Variants in CDH4 observed in about 807,000 individuals in gnomAD.
CDH4 encodes the protein cadherin 4, also known as cadherin-4.
In CDH4, 33 loss-of-function variants were observed where a neutral mutation model predicts 86.0. The observed-to-expected ratio is 0.38, with a 90% CI of 0.29 to 0.51. CDH4 has a LOEUF of 0.51. Ranked by LOEUF, CDH4 falls within the 20% of genes least tolerant of loss-of-function variation. The probability of loss-of-function intolerance (pLI) is 0.86; values close to 1 mark genes in which losing one functional copy is unlikely to be tolerated. For synonymous variants in CDH4, 555 were observed against 549.4 expected (o/e 1.01, Z -0.14); for missense variants, 1,114 against 1,307.4 (o/e 0.85, Z 2.28).
intron 2 of CDH4, among the ~76,000 whole-genome samples, chr20:61,535,760 C>T (rs922718531): frequency 2.6e-5 from 4 of 151,984 alleles, no homozygotes; most frequent in South Asian, 4.2e-4. Flanking sequence ...GTCCTTTGGG[C>T]GTTTGAATCC....
At chr20:61,910,083 T>C (rs902557445) in intron 8 of CDH4, among the ~76,000 whole-genome samples, 4 of 152,264 alleles carry the variant, frequency 2.6e-5, no homozygotes, top group African/African-American at 9.6e-5. Flanking sequence ...CTCTGATTCC[T>C]GATCTGGGCG....
At chr20:61,605,258 C>T (rs2086633768) in intron 2 of CDH4, among the ~76,000 whole-genome samples, 1 of 152,078 alleles carries the variant, frequency 6.6e-6, no homozygotes, top group African/African-American at 2.4e-5. Context: ...TGACGAAGGC[C>T]CCTCTGTGAA....
chr20:61,488,019 C>T (rs1270258344), intron 2 of CDH4, among the ~76,000 whole-genome samples: 1 of 152,168 alleles, frequency 6.6e-6, no homozygotes, highest in Non-Finnish European at 1.5e-5. Context: ...GCAGTTCAAT[C>T]GATGATTCTG....
intron 2 of CDH4, among the ~76,000 whole-genome samples, chr20:61,382,642 C>A (rs946570342): frequency 6.6e-6 from 1 of 152,202 alleles, no homozygotes; most frequent in Non-Finnish European, 1.5e-5. Flanking sequence ...GGGCCATGTT[C>A]CCCCTGAAGC....
chr20:61,523,803 G>C (rs1256825591), intron 2 of CDH4, among the ~76,000 whole-genome samples: 1 of 152,168 alleles, frequency 6.6e-6, no homozygotes, highest in East Asian at 1.9e-4. Flanking sequence ...TTTCACTGCC[G>C]GGGAGACCCC....
intron 2 of CDH4, among the ~76,000 whole-genome samples, chr20:61,561,777 C>T (rs1180143304): frequency 6.6e-6 from 1 of 152,236 alleles, no homozygotes; most frequent in Non-Finnish European, 1.5e-5. Flanking sequence ...TTACAGAAAA[C>T]ATTTCTGACC....
At chr20:61,330,056 A>G (rs1234414228) in intron 2 of CDH4, among the ~76,000 whole-genome samples, 2 of 152,112 alleles carry the variant, frequency 1.3e-5, no homozygotes, top group Admixed American at 6.5e-5. Context: ...CATGGTGTAT[A>G]TGTACCACAT....
intron 2 of CDH4, among the ~76,000 whole-genome samples, chr20:61,291,907 G>T (rs950181643): frequency 2.6e-5 from 4 of 151,958 alleles, no homozygotes; most frequent in African/African-American, 9.7e-5. Context: ...CACCCTCCCT[G>T]CTCAAGTAGC....
chr20:61,421,733 C>A (rs2085178765), intron 2 of CDH4, among the ~76,000 whole-genome samples: 2 of 152,206 alleles, frequency 1.3e-5, no homozygotes, highest in Admixed American at 1.3e-4. Flanking sequence ...GGTTCTGGTG[C>A]CGGGATGTGA....
At chr20:61,692,938 G>A (rs1182565199) in intron 2 of CDH4, among the ~76,000 whole-genome samples, 1 of 151,896 alleles carries the variant, frequency 6.6e-6, no homozygotes, top group Non-Finnish European at 1.5e-5. Flanking sequence ...GAAGCTAGTT[G>A]TGTGAGGAGG....
At chr20:61,894,883 C>A (rs1814864443) in intron 7 of CDH4, 27 bp from the exon 8 acceptor site, 4 of 1,594,624 alleles carry the variant, frequency 2.5e-6, no homozygotes, top group African/African-American at 1.3e-5. Context: ...ATTTTCTGTT[C>A]TTTCTCAACT....
Position 61,844,727 on chromosome 20 carries a change from C to G in CDH4, c.636C>G (p.Ala212=). The G allele has an allele frequency of 6.2e-7, 1 of 1,614,004 alleles. No homozygotes were observed. Among genetic ancestry groups the G allele is most frequent in the Non-Finnish European group, 8.5e-7 (1 of 1,179,922 alleles). ...PIRYSITGVG[A]DQPPMEVFSI... is the part of the protein sequence containing the mutation. ...GGTACAGCATCACGGGAGTGGGCGC[C>G]GACCAGCCCCCCATGGAGGTCTTCA... Residue 212 remains alanine (A), a synonymous_variant, in exon 5 of 16, where the codon GCC becomes GCG. Coordinates refer to ENST00000614565, the MANE Select transcript of CDH4 (RefSeq NM_001794.5).
rs1568700986 is a variant in CDH4 at position 61,590,881 on chromosome 20, G to GGC, written c.170-152681_170-152680insCG. Among the ~76,000 whole-genome samples the GGC allele has an allele frequency of 8.5e-5, 13 of 152,224 alleles. No homozygotes were observed. In the South Asian group the frequency reaches 1.0e-3, roughly 12 times the overall value. On this transcript the variant is annotated intron_variant, in intron 2 of 15. Coordinates refer to ENST00000614565, the MANE Select transcript of CDH4 (RefSeq NM_001794.5). ...CCTTGTCTTCCCTAAATCTATGGGGGGGGGGGTCCCCGGGTCTCCAGGCTC... is the reference window on the plus strand; with the variant it reads ...CCTTGTCTTCCCTAAATCTATGGGGGGCGGGGGGTCCCCGGGTCTCCAGGCTC...
At chr20:61,564,520 C>T (rs945320981) in intron 2 of CDH4, among the ~76,000 whole-genome samples, 3 of 152,096 alleles carry the variant, frequency 2.0e-5, no homozygotes, top group Admixed American at 6.5e-5. Context: ...CTCCCTCGTG[C>T]TCTCACTCTC....
Position 61,866,133 on chromosome 20 carries a change from T to A in CDH4, c.878-7595T>A, listed in dbSNP as rs138424550. 5.9e-5 allele frequency among the ~76,000 whole-genome samples: 9 copies of A among 152,204 alleles called. No individual in the cohort carries two copies. In the East Asian group the frequency reaches 1.7e-3, roughly 29 times the overall value. ...ACACCACCCCCTGGCATGGGGGATT[T>A]TGCCCAGAGGACCCTCGGTGCCACC... On this transcript the variant is annotated intron_variant, in intron 6 of 15. Coordinates refer to ENST00000614565, the MANE Select transcript of CDH4 (RefSeq NM_001794.5).
chr20:61,561,276 C>T (rs762082232), intron 2 of CDH4, among the ~76,000 whole-genome samples: 5 of 152,260 alleles, frequency 3.3e-5, no homozygotes, highest in African/African-American at 7.2e-5. Flanking sequence ...GGAACTGAGC[C>T]AGAGGGCCTG....
intron 6 of CDH4, among the ~76,000 whole-genome samples, chr20:61,869,233 T>C (rs16985671): frequency 0.047 from 7,119 of 152,260 alleles, 582 homozygotes; most frequent in African/African-American, 0.16. Context: ...ATGTTGTCCC[T>C]GAAATCCAAA....
Position 61,518,689 on chromosome 20 carries a change from A to T in CDH4, c.170-224874A>T, listed in dbSNP as rs147444975. ...ATCATCCTTTATTCATCCATCCTTC[A>T]TCTACCTATCTGTTGTTCAATCATC... On this transcript the variant is annotated intron_variant, in intron 2 of 15. Coordinates refer to ENST00000614565, the MANE Select transcript of CDH4 (RefSeq NM_001794.5). The surrounding 1 kb of genome is among the most constrained non-coding windows in gnomAD (Gnocchi z 6.3). Among the ~76,000 whole-genome samples, 1 of 150,536 alleles carries T rather than the reference A, an allele frequency of 6.6e-6. No homozygotes were observed. Among genetic ancestry groups the T allele is most frequent in the Non-Finnish European group, 1.5e-5 (1 of 67,720 alleles).
intron 2 of CDH4, among the ~76,000 whole-genome samples, chr20:61,511,683 GAGA>G (rs1600721060): frequency 6.6e-6 from 1 of 152,342 alleles, no homozygotes; most frequent in South Asian, 2.1e-4. Context: ...AAAGACGAGA[GAGA>G]AGATGTTCAT....
Sources: allele counts gnomAD v4.1 joint callset (sites outside exome capture counted in the v4.1 genomes callset), GRCh38; gene constraint gnomAD v4.1.1; non-coding constraint Gnocchi (gnomAD v3.1); transcripts MANE v1.5; gene names NCBI Gene and HGNC (gene_info 2026-07-23, HGNC 2026-07-21).